The following KDM2A variants were observed in gnomAD, a reference collection of about 807,000 sequenced individuals.
KDM2A encodes the protein lysine-specific demethylase 2A.
A neutral mutation model predicts 137.3 loss-of-function variants in KDM2A; 3 were observed. That is an observed-to-expected ratio of 0.02 (90% CI 0.01 to 0.06). The LOEUF (loss-of-function observed/expected upper bound fraction) is 0.06, where lower values mean the gene tolerates loss of function less well. Ranked by LOEUF, KDM2A falls within the 10% of genes least tolerant of loss-of-function variation. The pLI, the probability that KDM2A is intolerant of heterozygous loss-of-function variation, is 1.00. For synonymous variants in KDM2A, 512 were observed against 541.5 expected, an observed-to-expected ratio of 0.95 and a Z score of 0.76; for missense variants, 738 against 1,510.6, an observed-to-expected ratio of 0.49 and a Z score of 8.48.
Position 67,173,552 on chromosome 11 carries a change from C to T in KDM2A, c.43-6527C>T, listed in dbSNP as rs7950442. ...GATTACAGGTGTGAGCCACCATGCC[C>T]AGCCAGTTTTTGTATTTTTAGAAGA... is the stretch of plus-strand genomic sequence containing the variant. On this transcript the variant is annotated intron_variant, in intron 2 of 20. Transcript: ENST00000529006. Among the ~76,000 whole-genome samples, 1,339 of 151,934 alleles carry T rather than the reference C, an allele frequency of 8.8e-3. 10 individuals are homozygous for T. The highest frequency in any genetic ancestry group is 0.014 in the Non-Finnish European group (985 of 67,948).
At chr11:67,221,329 G>C (rs1170218089) in intron 10 of KDM2A, among the ~76,000 whole-genome samples, 1 of 152,222 alleles carries the variant, frequency 6.6e-6, no homozygotes, top group Non-Finnish European at 1.5e-5. Flanking sequence ...GAGAATTGCA[G>C]AGAAGAGTGT....
chr11:67,223,624 C>T (rs1356570896), intron 10 of KDM2A, among the ~76,000 whole-genome samples: 3 of 151,928 alleles, frequency 2.0e-5, no homozygotes, highest in Non-Finnish European at 4.4e-5. Flanking sequence ...TGCCCAGGCT[C>T]GTCTCAAACT....
chr11:67,162,266 A>G (rs1197756839), intron 2 of KDM2A, among the ~76,000 whole-genome samples: 2 of 152,236 alleles, frequency 1.3e-5, no homozygotes, highest in South Asian at 2.1e-4. Context: ...CAAGAAAATC[A>G]TAGCAATAAG....
intron 2 of KDM2A, among the ~76,000 whole-genome samples, chr11:67,135,827 T>A (rs1855959761): frequency 6.6e-6 from 1 of 152,188 alleles, no homozygotes; most frequent in Non-Finnish European, 1.5e-5. Flanking sequence ...CATTCACATA[T>A]CTTAATCTAT....
intron 2 of KDM2A, among the ~76,000 whole-genome samples, chr11:67,147,490 C>G (rs371994261): frequency 3.3e-5 from 5 of 150,400 alleles, no homozygotes; most frequent in East Asian, 4.0e-4. Context: ...TGCAGTGAGC[C>G]GAGATCGCGC....
rs904364437 is a variant in KDM2A, at chr11:67,216,038, T to C, written c.687+89T>C. 4 of 954,748 alleles carry C rather than the reference T, an allele frequency of 4.2e-6. No homozygotes were observed. The African/African-American group carries it at 4.8e-5, about 12-fold the overall frequency. 59.1% of individuals were successfully genotyped at this position (954,748 alleles called of 1,614,324 possible). A position where few individuals can be genotyped will look rare whatever the true frequency, so the allele number is the denominator to read the frequency against. On this transcript the variant is annotated intron_variant, in intron 8 of 20. Coordinates refer to ENST00000529006, the MANE Select transcript of KDM2A (RefSeq NM_012308.3). Reference sequence around the variant, plus strand: ...ATGTATACTTAATATACCCTGGAAATGAATCTGTTAGGGAATTGTCCCCAT... The same window carrying C: ...ATGTATACTTAATATACCCTGGAAACGAATCTGTTAGGGAATTGTCCCCAT...
intron 8 of KDM2A, among the ~76,000 whole-genome samples, chr11:67,217,240 CAAAAAAAAAAAA>C (rs544615414): frequency 2.0e-5 from 1 of 50,524 alleles, no homozygotes; most frequent in Non-Finnish European, 4.2e-5. Flanking sequence ...GAAACTCTGT[CAAAAAAAAAAAA>C]AAAAAAAAAA....
At chr11:67,223,192 C>CA (rs560774486) in intron 10 of KDM2A, among the ~76,000 whole-genome samples, 23,183 of 89,174 alleles carry the variant, frequency 0.26, 4,762 homozygotes, top group African/African-American at 0.56. Context: ...AACTCCATCT[C>CA]AAAAAAAAAA....
chr11:67,171,181 A>G (rs745805672), intron 2 of KDM2A, among the ~76,000 whole-genome samples: 1 of 152,126 alleles, frequency 6.6e-6, no homozygotes. Context: ...CATCTGTTTG[A>G]TTGAGATTTG....
chr11:67,209,365 G>A (rs1054615747), intron 6 of KDM2A, among the ~76,000 whole-genome samples: 1 of 151,564 alleles, frequency 6.6e-6, no homozygotes, highest in Non-Finnish European at 1.5e-5. Flanking sequence ...GAGAGGGATG[G>A]GATGTAAGAA....
At chr11:67,199,872 A>T (rs892278658) in intron 5 of KDM2A, among the ~76,000 whole-genome samples, 5 of 152,232 alleles carry the variant, frequency 3.3e-5, no homozygotes, top group African/African-American at 1.2e-4. Context: ...ATAGCTAGAT[A>T]AAAGGCAGTT....
chr11:67,198,939 T>G (rs748736435), intron 5 of KDM2A, among the ~76,000 whole-genome samples: 8 of 151,896 alleles, frequency 5.3e-5, no homozygotes, highest in Non-Finnish European at 1.0e-4. Flanking sequence ...CCACCATGCC[T>G]GGCTAATTTT....
chr11:67,234,824 G>C (rs575933919), intron 12 of KDM2A, among the ~76,000 whole-genome samples: 1 of 152,294 alleles, frequency 6.6e-6, no homozygotes, highest in Non-Finnish European at 1.5e-5. Flanking sequence ...CTGCACTCCA[G>C]TCTGGGCAAA....
At chr11:67,144,137 G>T (rs1221404617) in intron 2 of KDM2A, among the ~76,000 whole-genome samples, 2 of 151,510 alleles carry the variant, frequency 1.3e-5, no homozygotes, top group African/African-American at 4.9e-5. Context: ...TAGAGTTGGG[G>T]TTTTACCATG....
chr11:67,143,617 CTTTT>C (rs1174152734), intron 2 of KDM2A, among the ~76,000 whole-genome samples: 2 of 151,710 alleles, frequency 1.3e-5, no homozygotes, highest in African/African-American at 4.8e-5. Context: ...CTGTCTTTCT[CTTTT>C]TATTTATTTA....
intron 5 of KDM2A, among the ~76,000 whole-genome samples, chr11:67,183,963 G>T (rs1857146164): frequency 6.6e-6 from 1 of 151,708 alleles, no homozygotes; most frequent in Non-Finnish European, 1.5e-5. Context: ...ACAAAAATTA[G>T]CTGGGTGTGG....
chr11:67,161,789 T>TA, intron 2 of KDM2A, among the ~76,000 whole-genome samples: 1 of 152,338 alleles, frequency 6.6e-6, no homozygotes, highest in Admixed American at 6.5e-5. Flanking sequence ...CATTCTCTAA[T>TA]AAGTGTAGAC....
intron 2 of KDM2A, among the ~76,000 whole-genome samples, chr11:67,142,969 A>G (rs1250912114): frequency 6.6e-6 from 1 of 151,266 alleles, no homozygotes; most frequent in Non-Finnish European, 1.5e-5. Context: ...ATTAAATCCC[A>G]GATAGTATTA....
At chr11:67,246,863 G>A (rs972403358) in intron 15 of KDM2A, among the ~76,000 whole-genome samples, 7 of 151,348 alleles carry the variant, frequency 4.6e-5, no homozygotes, top group African/African-American at 1.7e-4. Flanking sequence ...CTATATAGTA[G>A]CAAATCTATA....
Sources: gnomAD v4.1 joint callset for allele counts (sites outside exome capture counted in the v4.1 genomes callset) on GRCh38, gnomAD v4.1.1 for gene constraint, MANE v1.5 for transcripts, NCBI Gene and HGNC (gene_info 2026-07-23, HGNC 2026-07-21) for gene names.